The following METTL15 variants were observed in gnomAD, a reference collection of about 807,000 sequenced individuals.
METTL15 encodes 12S rRNA N(4)-cytidine methyltransferase METTL15.
A neutral mutation model predicts 38.3 loss-of-function variants in METTL15; 34 were observed. The ratio of observed to expected loss-of-function variants is 0.89; its 90% confidence interval spans 0.68 to 1.18. METTL15 has a LOEUF of 1.18. Among genes scored for constraint, METTL15 ranks in the 50% most tolerant of loss-of-function variants. METTL15 has a pLI of 0.00. For synonymous variants in METTL15, 162 were observed against 170.9 expected (o/e 0.95, Z 0.41); for missense variants, 438 against 498.4 (o/e 0.88, Z 1.15).
intron 6 of METTL15, among the ~76,000 whole-genome samples, chr11:28,460,527 C>T (rs2133454776): frequency 6.6e-6 from 1 of 152,142 alleles, no homozygotes; most frequent in Admixed American, 6.6e-5. Context: ...TTTACCTTGG[C>T]CTCAGCAACA....
intron 3 of METTL15, among the ~76,000 whole-genome samples, chr11:28,188,697 C>T (rs1453207889): frequency 4.6e-5 from 7 of 151,096 alleles, no homozygotes; most frequent in Admixed American, 6.6e-5. Flanking sequence ...TGCTGCCCTG[C>T]GTACACTCAT....
intron 4 of METTL15, among the ~76,000 whole-genome samples, chr11:28,281,886 A>G (rs1244333954): frequency 1.3e-5 from 2 of 152,208 alleles, no homozygotes; most frequent in East Asian, 3.9e-4. Context: ...CTAGATTGTT[A>G]TTCCAGAGTG....
At chr11:28,451,013 T>C (rs1009735282) in intron 6 of METTL15, among the ~76,000 whole-genome samples, 3 of 152,206 alleles carry the variant, frequency 2.0e-5, no homozygotes, top group Non-Finnish European at 4.4e-5. Flanking sequence ...GGGCTTGGGA[T>C]TCCAGGTCAG....
intron 6 of METTL15, among the ~76,000 whole-genome samples, chr11:28,523,024 C>A (rs150002423): frequency 3.9e-5 from 6 of 152,142 alleles, no homozygotes; most frequent in Admixed American, 6.6e-5. Context: ...ACAATGGATG[C>A]GGTTCTTGCC....
chr11:28,237,497 A>G (rs1854054508), intron 4 of METTL15, among the ~76,000 whole-genome samples: 1 of 152,010 alleles, frequency 6.6e-6, no homozygotes. Context: ...CTAGTTATAC[A>G]TTCGTCTAAA....
intron 3 of METTL15, among the ~76,000 whole-genome samples, chr11:28,172,125 C>G (rs1165786427): frequency 7.2e-5 from 11 of 152,214 alleles, no homozygotes; most frequent in African/African-American, 2.6e-4. Context: ...TTACTTCTAC[C>G]ATAATCAGAC....
At chr11:28,354,557 A>G (rs1295034301) in intron 4 of METTL15, among the ~76,000 whole-genome samples, 1 of 152,180 alleles carries the variant, frequency 6.6e-6, no homozygotes, top group African/African-American at 2.4e-5. Flanking sequence ...AATTGGTCTG[A>G]GAGTACAGAG....
At chr11:28,187,380 A>G (rs1194443345) in intron 3 of METTL15, among the ~76,000 whole-genome samples, 2 of 151,050 alleles carry the variant, frequency 1.3e-5, no homozygotes, top group South Asian at 2.1e-4. Flanking sequence ...GGTATACCAT[A>G]TAACTTTTAA....
intron 6 of METTL15, among the ~76,000 whole-genome samples, chr11:28,508,621 G>T (rs182431502): frequency 1.9e-4 from 29 of 152,234 alleles, no homozygotes; most frequent in South Asian, 1.2e-3. Context: ...ACATCTCTAG[G>T]GGATCTTTTT....
intron 4 of METTL15, among the ~76,000 whole-genome samples, chr11:28,214,507 C>T (rs755743837): frequency 3.3e-5 from 5 of 152,096 alleles, no homozygotes; most frequent in Non-Finnish European, 2.9e-5. Flanking sequence ...TGAGATGTTC[C>T]GTGTCAGGTA....
chr11:28,217,815 A>T (rs1852969765), intron 4 of METTL15, among the ~76,000 whole-genome samples: 1 of 152,188 alleles, frequency 6.6e-6, no homozygotes, highest in Admixed American at 6.5e-5. Context: ...TTAAATAGGG[A>T]ATCCTTTCTC....
At chr11:28,318,838 A>G (rs1849360953) in intron 6 of METTL15, among the ~76,000 whole-genome samples, 1 of 152,208 alleles carries the variant, frequency 6.6e-6, no homozygotes, top group Admixed American at 6.5e-5. Context: ...AATCAAACAC[A>G]TGTAATCAGT....
intron 5 of METTL15, among the ~76,000 whole-genome samples, chr11:28,411,422 A>G (rs2133412925): frequency 6.6e-6 from 1 of 152,224 alleles, no homozygotes; most frequent in South Asian, 2.1e-4. Context: ...GAAAGCCCAG[A>G]AATAAATTCA....
intron 4 of METTL15, among the ~76,000 whole-genome samples, chr11:28,221,375 C>T (rs1174835639): frequency 2.6e-5 from 4 of 152,172 alleles, no homozygotes; most frequent in South Asian, 2.1e-4. Context: ...CTTGTGCATT[C>T]GTTACGCAGT....
intron 5 of METTL15, among the ~76,000 whole-genome samples, chr11:28,370,563 T>A (rs1850232869): frequency 6.6e-6 from 1 of 152,136 alleles, no homozygotes; most frequent in Middle Eastern, 3.4e-3. Context: ...TTCTTTGAGA[T>A]ATATACCCAA....
At chr11:28,203,608 C>T (rs1266234305) in intron 3 of METTL15, among the ~76,000 whole-genome samples, 1 of 152,020 alleles carries the variant, frequency 6.6e-6, no homozygotes, top group Non-Finnish European at 1.5e-5. Flanking sequence ...TTTGCCCCAA[C>T]TAGCGACCAG....
chr11:28,398,048 T>C (rs1850590985), intron 5 of METTL15, among the ~76,000 whole-genome samples: 1 of 151,324 alleles, frequency 6.6e-6, no homozygotes, highest in South Asian at 2.1e-4. Context: ...GTGAGAACAC[T>C]TGGACCAGGA....
intron 3 of METTL15, among the ~76,000 whole-genome samples, chr11:28,210,040 G>A (rs1052559157): frequency 2.8e-4 from 43 of 152,068 alleles, no homozygotes; most frequent in African/African-American, 9.9e-4. Flanking sequence ...GTCTTGACTT[G>A]CAAACTAGTT....
At chr11:28,492,636 ATGTC>A (rs1851505958) in intron 6 of METTL15, among the ~76,000 whole-genome samples, 2 of 152,118 alleles carry the variant, frequency 1.3e-5, no homozygotes, top group African/African-American at 4.8e-5. Context: ...TGGAAAGCCT[ATGTC>A]AGGTCTCTAT....
Sources: gnomAD v4.1 joint callset for allele counts (sites outside exome capture counted in the v4.1 genomes callset) on GRCh38, gnomAD v4.1.1 for gene constraint, MANE v1.5 for transcripts, NCBI Gene and HGNC (gene_info 2026-07-23, HGNC 2026-07-21) for gene names.